Variants in MBOAT1 observed in about 807,000 individuals in gnomAD.
MBOAT1 encodes membrane bound glycerophospholipid O-acyltransferase 1.
A neutral mutation model predicts 64.4 loss-of-function variants in MBOAT1; 67 were observed. That is an observed-to-expected ratio of 1.04 (90% CI 0.85 to 1.27). The LOEUF (loss-of-function observed/expected upper bound fraction) is 1.27, where lower values mean the gene tolerates loss of function less well. Among genes scored for constraint, MBOAT1 ranks in the 50% most tolerant of loss-of-function variants. The probability of loss-of-function intolerance (pLI) is 0.00; values close to 1 mark genes in which losing one functional copy is unlikely to be tolerated. For missense variants in MBOAT1, 563 were observed against 604.6 expected, an observed-to-expected ratio of 0.93 and a Z score of 0.72; for synonymous variants, 229 against 218.9, an observed-to-expected ratio of 1.05 and a Z score of -0.41.
chr6:20,107,603 G>C (rs186193797), intron 12 of MBOAT1, among the ~76,000 whole-genome samples: 147 of 152,276 alleles, frequency 9.7e-4, no homozygotes, highest in African/African-American at 3.1e-4. Flanking sequence ...TATCACCCCA[G>C]TGAGAGCAGA....
intron 1 of MBOAT1, among the ~76,000 whole-genome samples, chr6:20,194,704 A>G (rs2113761072): frequency 6.6e-6 from 1 of 152,278 alleles, no homozygotes. Context: ...TCCCCTTTCC[A>G]TACTGTACTC....
chr6:20,168,800 G>A (rs1431840261), intron 1 of MBOAT1, among the ~76,000 whole-genome samples: 2 of 120,152 alleles, frequency 1.7e-5, no homozygotes, highest in Admixed American at 1.6e-4. Context: ...AGGGAAAAGG[G>A]GGGAGGGGAG....
At chr6:20,114,861 G>A (rs1047454904) in intron 10 of MBOAT1, among the ~76,000 whole-genome samples, 2 of 148,756 alleles carry the variant, frequency 1.3e-5, no homozygotes, top group Non-Finnish European at 3.0e-5. Flanking sequence ...TCTAATTTGA[G>A]CGACATAGCG....
At chr6:20,207,949 T>C (rs1263941388) in intron 1 of MBOAT1, among the ~76,000 whole-genome samples, 1 of 152,206 alleles carries the variant, frequency 6.6e-6, no homozygotes, top group East Asian at 1.9e-4. Flanking sequence ...GACCTTGATT[T>C]TTTTCATCTT....
At chr6:20,121,327 C>T (rs1427907311) in intron 8 of MBOAT1, among the ~76,000 whole-genome samples, 2 of 152,142 alleles carry the variant, frequency 1.3e-5, no homozygotes, top group African/African-American at 2.4e-5. Flanking sequence ...CTTCTTTATT[C>T]GTAAATAAGA....
chr6:20,193,521 A>T (rs1762867842), intron 1 of MBOAT1, among the ~76,000 whole-genome samples: 1 of 152,078 alleles, frequency 6.6e-6, no homozygotes, highest in South Asian at 2.1e-4. Context: ...TGTTATGGGC[A>T]GAGAAAAATA....
chr6:20,128,173 C>T (rs1358190715), intron 6 of MBOAT1, among the ~76,000 whole-genome samples: 2 of 152,028 alleles, frequency 1.3e-5, no homozygotes, highest in African/African-American at 4.8e-5. Flanking sequence ...CCCACTTCTT[C>T]TCCAACACTC....
At chr6:20,155,059 C>T (rs1426743177) in intron 1 of MBOAT1, among the ~76,000 whole-genome samples, 1 of 152,236 alleles carries the variant, frequency 6.6e-6, no homozygotes, top group Non-Finnish European at 1.5e-5. Context: ...AAAGTGGCTA[C>T]AGGGAAATTT....
chr6:20,198,444 CT>C (rs1763024859), intron 1 of MBOAT1, among the ~76,000 whole-genome samples: 1 of 152,156 alleles, frequency 6.6e-6, no homozygotes, highest in African/African-American at 2.4e-5. Flanking sequence ...ACAAGACCCT[CT>C]TCAGGAAATG....
chr6:20,188,505 G>A (rs1317781585), intron 1 of MBOAT1, among the ~76,000 whole-genome samples: 1 of 152,190 alleles, frequency 6.6e-6, no homozygotes, highest in African/African-American at 2.4e-5. Context: ...TGGACACAAA[G>A]GGTGAGGTTG....
At chr6:20,144,148 G>C (rs1371464692) in intron 4 of MBOAT1, 72 bp downstream of exon 4, 1 of 944,722 alleles carries the variant, frequency 1.1e-6, no homozygotes. Flanking sequence ...GTGCACCCTT[G>C]ATGTTTACAG....
intron 1 of MBOAT1, among the ~76,000 whole-genome samples, chr6:20,160,150 C>G (rs983552244): frequency 2.6e-5 from 4 of 152,200 alleles, no homozygotes; most frequent in Admixed American, 2.6e-4. Context: ...TTTCATCAAA[C>G]CACAATCAAA....
chr6:20,212,385 C>G lies in MBOAT1; in HGVS notation c.-151G>C, dbSNP rs1763467636. 1 of 667,930 alleles carries G rather than the reference C, an allele frequency of 1.5e-6. No individual in the cohort carries two copies. The highest frequency in any genetic ancestry group is 2.8e-5 in the East Asian group (1 of 35,478). The allele number at this position is 667,930 out of a possible 1,614,324, so 41.4% of individuals were successfully genotyped here. On this transcript the variant is annotated 5_prime_UTR_variant, in exon 1 of 13. Coordinates refer to ENST00000324607, the MANE Select transcript of MBOAT1 (RefSeq NM_001080480.3). ...CGAACGGGAGGCCGGGGAATGCGAA[C>G]CGGCGCAAACTCTCGAGGCGCAAAC...
chr6:20,204,255 C>T (rs933100261), intron 1 of MBOAT1, among the ~76,000 whole-genome samples: 3 of 152,144 alleles, frequency 2.0e-5, no homozygotes, highest in East Asian at 1.9e-4. Flanking sequence ...GCCGAGGCCC[C>T]GTGTCCTCTG....
At chr6:20,145,737 C>T (rs925680561) in intron 3 of MBOAT1, among the ~76,000 whole-genome samples, 1 of 152,212 alleles carries the variant, frequency 6.6e-6, no homozygotes. Context: ...CCTGTATTTT[C>T]AGGCAAGATG....
At chr6:20,209,291 T>C (rs1182987745) in intron 1 of MBOAT1, among the ~76,000 whole-genome samples, 1 of 152,216 alleles carries the variant, frequency 6.6e-6, no homozygotes, top group African/African-American at 2.4e-5. Context: ...TTAAGGGAGA[T>C]AATTTTATAT....
chr6:20,124,306 T>A, intron 8 of MBOAT1, 102 bp downstream of exon 8: 1 of 1,203,768 alleles, frequency 8.3e-7, no homozygotes, highest in Non-Finnish European at 1.2e-6. Flanking sequence ...CCATTACGTG[T>A]TGAGCTTCTT....
chr6:20,202,957 T>C (rs1294737311), intron 1 of MBOAT1, among the ~76,000 whole-genome samples: 2 of 152,190 alleles, frequency 1.3e-5, no homozygotes, highest in Non-Finnish European at 2.9e-5. Context: ...ACAAAAGATA[T>C]TTCCAGATTT....
chr6:20,165,832 G>T, intron 1 of MBOAT1, among the ~76,000 whole-genome samples: 1 of 151,788 alleles, frequency 6.6e-6, no homozygotes, highest in East Asian at 1.9e-4. Context: ...ATGTTCCAAA[G>T]ATAGAATGAA....
Sources: gnomAD v4.1 joint callset for allele counts (sites outside exome capture counted in the v4.1 genomes callset) on GRCh38, gnomAD v4.1.1 for gene constraint, MANE v1.5 for transcripts, NCBI Gene and HGNC (gene_info 2026-07-23, HGNC 2026-07-21) for gene names.